LRRC9: variants seen among roughly 807,000 people sequenced by gnomAD.
The protein encoded by LRRC9 is leucine rich repeat containing 9.
LRRC9 carries 122 observed loss-of-function variants against 63.2 expected under a neutral mutation model. That is an observed-to-expected ratio of 1.93 (90% confidence interval 1.67 to 2.24). The LOEUF is 2.24. LRRC9 is among the 30% of genes most tolerant of loss of function. The pLI, the probability that LRRC9 is intolerant of heterozygous loss-of-function variation, is 0.00. For synonymous variants in LRRC9, 366 were observed against 213.1 expected (o/e 1.72, Z -6.25); for missense variants, 1,071 against 627.7 (o/e 1.71, Z -7.55).
rs546071866 is a variant in LRRC9 at position 60,022,725 on chromosome 14, G to T, written c.3567-9G>T. On this transcript the variant is annotated splice_polypyrimidine_tract_variant and intron_variant, in intron 26 of 31. Coordinates refer to ENST00000445360, the Ensembl canonical transcript of LRRC9. ...AGTTTATGGCCTCAAACTTACCTAT[G>T]TGTTTCAGAGATATAATGAGCAGTG... is the stretch of plus-strand genomic sequence containing the variant. The T allele has an allele frequency of 1.7e-6, 1 of 595,670 alleles. No homozygotes were observed. The highest frequency in any genetic ancestry group is 2.2e-5 in the South Asian group (1 of 46,450). The allele number at this position is 595,670 out of a possible 1,614,324, so 36.9% of individuals were successfully genotyped here.
At chr14:60,034,609 T>G (rs950762288) in intron 29 of LRRC9, among the ~76,000 whole-genome samples, 1 of 152,196 alleles carries the variant, frequency 6.6e-6, no homozygotes, top group African/African-American at 2.4e-5. Flanking sequence ...TTTGTCTTTC[T>G]GTGCCTGGCT....
At position 59,938,946 on chromosome 14, in the gene LRRC9, C is replaced by CAT. The variant is rs71451086; in HGVS notation, c.726+376_726+377dup. On this transcript the variant is annotated intron_variant, in intron 7 of 31. Coordinates refer to ENST00000445360, the Ensembl canonical transcript of LRRC9. This position sits in a 1 kb window ranked among gnomAD's most constrained non-coding sequence, Gnocchi z 4.2. ...ATATATATACACATATATACATATACATACATATATACACACATATATACA... is the reference window on the plus strand; with the variant it reads ...ATATATATACACATATATACATATACATATACATATATACACACATATATACA... Among the ~76,000 whole-genome samples the CAT allele has an allele frequency of 7.6e-3, 741 of 97,914 alleles. 14 individuals are homozygous for CAT. Among genetic ancestry groups the CAT allele is most frequent in the African/African-American group, 0.028 (699 of 24,866 alleles). 64.2% of individuals were successfully genotyped at this position (97,914 alleles called of 152,430 possible).
chr14:59,925,315 A>C (rs1889121021), intron 1 of LRRC9, among the ~76,000 whole-genome samples: 1 of 152,242 alleles, frequency 6.6e-6, no homozygotes, highest in Non-Finnish European at 1.5e-5. Context: ...TAGGAAGTCT[A>C]AGATCAAGGC....
intron 17 of LRRC9, among the ~76,000 whole-genome samples, chr14:59,996,228 T>C (rs545723577): frequency 3.3e-5 from 5 of 152,214 alleles, no homozygotes; most frequent in Middle Eastern, 3.4e-3. Context: ...ATGGCCTTAA[T>C]AGTTTTTTAC....
At chr14:60,038,309 G>A (rs866931085) in intron 29 of LRRC9, among the ~76,000 whole-genome samples, 11 of 152,142 alleles carry the variant, frequency 7.2e-5, no homozygotes, top group Middle Eastern at 3.4e-3. Flanking sequence ...GAAGAAAGTC[G>A]TTGGTAGCTT....
chr14:60,054,186 C>CTCAA (rs1185061122), intron 30 of LRRC9, among the ~76,000 whole-genome samples: 1 of 152,196 alleles, frequency 6.6e-6, no homozygotes, highest in Non-Finnish European at 1.5e-5. Context: ...GCAGAACATA[C>CTCAA]TCAACTTTTG....
chr14:59,990,788 T>C lies in LRRC9; in HGVS notation c.2211+5564T>C, dbSNP rs1888002633. 6.6e-6 allele frequency among the ~76,000 whole-genome samples: 1 copy of C among 152,212 alleles called. No homozygotes were observed. The highest frequency in any genetic ancestry group is 2.4e-5 in the African/African-American group (1 of 41,460). On this transcript the variant is annotated intron_variant, in intron 17 of 31. Coordinates refer to ENST00000445360, the Ensembl canonical transcript of LRRC9. This position sits in a 1 kb window ranked among gnomAD's most constrained non-coding sequence, Gnocchi z 4.2. ...AAACTCCTCCCTATTTCAATTGCTG[T>C]AAATTGGTCTCCACACATTCCGGTG...
In LRRC9 at chr14:60,058,790, TAA is replaced by T. The variant is rs143808908; in HGVS notation, c.4276+775_4276+776del. ...TATAAAATGATCTAAGAGCCTCCTA[TAA>T]AAAAAAGTAGACTGTTCCATGTGAT... On this transcript the variant is annotated intron_variant, in intron 31 of 31. Coordinates refer to ENST00000445360, the Ensembl canonical transcript of LRRC9. This position sits in a 1 kb window ranked among gnomAD's most constrained non-coding sequence, Gnocchi z 4.4. Among the ~76,000 whole-genome samples the T allele has an allele frequency of 6.6e-6, 1 of 151,632 alleles. No individual in the cohort carries two copies. Among genetic ancestry groups the T allele is most frequent in the Admixed American group, 6.6e-5 (1 of 15,198 alleles).
At chr14:59,972,027 T>C (rs887545433) in intron 12 of LRRC9, among the ~76,000 whole-genome samples, 3 of 152,170 alleles carry the variant, frequency 2.0e-5, no homozygotes, top group African/African-American at 7.2e-5. Context: ...TGCCTGGCAT[T>C]GAAGGCCTCT....
chr14:60,032,931 G>A (rs1892112111), intron 29 of LRRC9, among the ~76,000 whole-genome samples: 1 of 151,878 alleles, frequency 6.6e-6, no homozygotes. Flanking sequence ...CACCAAGAAG[G>A]AAATAGCAAT....
intron 12 of LRRC9, among the ~76,000 whole-genome samples, chr14:59,969,580 G>T (rs1381435464): frequency 1.3e-5 from 2 of 152,116 alleles, no homozygotes; most frequent in Non-Finnish European, 2.9e-5. Context: ...TTTGGCTAAG[G>T]TTGGCAGTAT....
At chr14:60,037,162 T>A (rs1892512016) in intron 29 of LRRC9, among the ~76,000 whole-genome samples, 1 of 152,204 alleles carries the variant, frequency 6.6e-6, no homozygotes, top group Admixed American at 6.5e-5. Context: ...ATCCAGTCTA[T>A]CAATGATGGA....
intron 29 of LRRC9, among the ~76,000 whole-genome samples, chr14:60,049,726 ATG>A (rs1312026534): frequency 6.6e-6 from 1 of 151,892 alleles, no homozygotes; most frequent in Non-Finnish European, 1.5e-5. Context: ...ACGATTATGT[ATG>A]TGTCTTGGGG....
At chr14:59,921,556 A>G (rs1460052757) in intron 1 of LRRC9, among the ~76,000 whole-genome samples, 3 of 152,156 alleles carry the variant, frequency 2.0e-5, no homozygotes, top group Non-Finnish European at 4.4e-5. Flanking sequence ...GTTGAGGATA[A>G]TAGCTCAACC....
intron 29 of LRRC9, among the ~76,000 whole-genome samples, chr14:60,035,387 C>A (rs1195781665): frequency 6.6e-6 from 1 of 151,982 alleles, no homozygotes; most frequent in Non-Finnish European, 1.5e-5. Context: ...GCTTTGGTTG[C>A]CTGTGCTTTT....
At chr14:60,009,052 A>G (rs753084373) in intron 23 of LRRC9, among the ~76,000 whole-genome samples, 12 of 152,196 alleles carry the variant, frequency 7.9e-5, no homozygotes, top group Non-Finnish European at 1.5e-4. Context: ...AAATAGTCCT[A>G]TGAGACCAGT....
intron 15 of LRRC9, among the ~76,000 whole-genome samples, chr14:59,978,967 C>T (rs1555376067): frequency 6.6e-6 from 1 of 151,886 alleles, no homozygotes; most frequent in Non-Finnish European, 1.5e-5. Context: ...CTATGGTGGG[C>T]AAAAAACATT....
rs1347121002 is a variant in LRRC9 at position 59,932,039 on chromosome 14, G to A, written c.543G>A (p.Lys181=). 3 of 698,684 alleles carry A rather than the reference G, an allele frequency of 4.3e-6. No homozygotes were observed. The South Asian group carries it at 4.5e-5, about 10-fold the overall frequency. The allele number at this position is 698,684 out of a possible 1,614,324, so 43.3% of individuals were successfully genotyped here. A position where few individuals can be genotyped will look rare whatever the true frequency, so the allele number is the denominator to read the frequency against. ...CTGGTAACCAAATATGTTCTTTCAA[G>A]GTATGTTTAAGTGGAATAATTAATT... The change falls in exon 6 of 32, where the codon AAG becomes AAA. Residue 181 remains lysine (K), a splice_region_variant and synonymous_variant. Transcript: ENST00000445360. The surrounding 1 kb of genome is among the most constrained non-coding windows in gnomAD (Gnocchi z 4.7).
At chr14:59,924,094 A>G (rs549722215) in intron 1 of LRRC9, among the ~76,000 whole-genome samples, 33 of 152,376 alleles carry the variant, frequency 2.2e-4, no homozygotes, top group African/African-American at 7.9e-4. Context: ...TCCTTCTACA[A>G]TAGTTATCTT....
Sources: allele counts gnomAD v4.1 joint callset (sites outside exome capture counted in the v4.1 genomes callset), GRCh38; gene constraint gnomAD v4.1.1; non-coding constraint Gnocchi (gnomAD v3.1); transcripts MANE v1.5; gene names NCBI Gene and HGNC (gene_info 2026-07-23, HGNC 2026-07-21).